The following THSD7B variants were observed in gnomAD, a reference collection of about 807,000 sequenced individuals.
The protein encoded by THSD7B is thrombospondin type-1 domain-containing protein 7B.
THSD7B carries 138 observed loss-of-function variants against 213.6 expected under a neutral mutation model. That is an observed-to-expected ratio of 0.65 (90% CI 0.56 to 0.74). The LOEUF is 0.74. Among genes scored for constraint, THSD7B ranks in the 30% least tolerant of loss-of-function variants. The probability of loss-of-function intolerance (pLI) is 0.00; values close to 1 mark genes in which losing one functional copy is unlikely to be tolerated. For missense variants in THSD7B, 1,931 were observed against 1,991.5 expected (o/e 0.97, Z 0.58); for synonymous variants, 742 against 687.0 (o/e 1.08, Z -1.25).
chr2:137,293,824 C>G (rs999599289), intron 12 of THSD7B, among the ~76,000 whole-genome samples: 1 of 152,120 alleles, frequency 6.6e-6, no homozygotes, highest in African/African-American at 2.4e-5. Flanking sequence ...ATCTCCAAAT[C>G]CATGTCAATA....
At chr2:137,569,594 G>T (rs182405711) in intron 16 of THSD7B, among the ~76,000 whole-genome samples, 1 of 152,166 alleles carries the variant, frequency 6.6e-6, no homozygotes, top group East Asian at 1.9e-4. Context: ...ATTTCCAGAG[G>T]TACTTGGTGC....
intron 2 of THSD7B, among the ~76,000 whole-genome samples, chr2:137,046,900 T>C (rs1406777064): frequency 6.6e-6 from 1 of 152,114 alleles, no homozygotes; most frequent in Non-Finnish European, 1.5e-5. Flanking sequence ...ACGATGGGCC[T>C]GATCAAGCAG....
chr2:137,413,158 T>C (rs1485340810), intron 14 of THSD7B, among the ~76,000 whole-genome samples: 3 of 152,224 alleles, frequency 2.0e-5, no homozygotes, highest in African/African-American at 7.2e-5. Flanking sequence ...TTGCTTTATA[T>C]AGGCTTCCTA....
At chr2:136,906,010 A>G (rs981202176) in intron 2 of THSD7B, among the ~76,000 whole-genome samples, 4 of 152,242 alleles carry the variant, frequency 2.6e-5, no homozygotes, top group Non-Finnish European at 5.9e-5. Flanking sequence ...GTTTCCCCTC[A>G]ATAGTGAGAA....
intron 15 of THSD7B, among the ~76,000 whole-genome samples, chr2:137,487,636 C>G (rs1200988639): frequency 1.3e-5 from 2 of 151,286 alleles, no homozygotes; most frequent in Non-Finnish European, 2.9e-5. Flanking sequence ...GGGATATCAC[C>G]ACTGATCCCA....
intron 5 of THSD7B, among the ~76,000 whole-genome samples, chr2:137,131,525 A>T (rs1368834275): frequency 6.6e-6 from 1 of 152,226 alleles, no homozygotes; most frequent in East Asian, 1.9e-4. Context: ...CTAACAGGTA[A>T]GTCTTTAATC....
intron 20 of THSD7B, among the ~76,000 whole-genome samples, chr2:137,634,776 AT>A (rs930164617): frequency 1.3e-5 from 2 of 152,112 alleles, no homozygotes; most frequent in Non-Finnish European, 2.9e-5. Flanking sequence ...CAGTTTTGAG[AT>A]TTGTTTGAAT....
At chr2:136,980,888 C>T (rs1041557141) in intron 2 of THSD7B, among the ~76,000 whole-genome samples, 1 of 152,200 alleles carries the variant, frequency 6.6e-6, no homozygotes, top group African/African-American at 2.4e-5. Context: ...CTCCATGTGG[C>T]TCCTGGGTGG....
intron 5 of THSD7B, among the ~76,000 whole-genome samples, chr2:137,149,637 A>G (rs1289261074): frequency 1.3e-5 from 2 of 152,234 alleles, no homozygotes; most frequent in Non-Finnish European, 2.9e-5. Flanking sequence ...TGACCTGGAC[A>G]TGAGACATGG....
chr2:137,390,535 G>A (rs1685998600), intron 12 of THSD7B, among the ~76,000 whole-genome samples: 1 of 151,924 alleles, frequency 6.6e-6, no homozygotes, highest in South Asian at 2.1e-4. Flanking sequence ...TTTTTCTCCT[G>A]CCTGATTTCT....
intron 2 of THSD7B, among the ~76,000 whole-genome samples, chr2:136,924,440 T>C (rs1573713562): frequency 6.6e-6 from 1 of 152,252 alleles, no homozygotes; most frequent in East Asian, 1.9e-4. Flanking sequence ...GACCTATTTG[T>C]TGAAGGGACT....
At chr2:137,243,772 T>C (rs1681965426) in intron 10 of THSD7B, among the ~76,000 whole-genome samples, 1 of 152,218 alleles carries the variant, frequency 6.6e-6, no homozygotes, top group Non-Finnish European at 1.5e-5. Flanking sequence ...CATCTTTGTA[T>C]TGCAATGGTG....
At chr2:136,769,308 TACAAA>T (rs1681464620) in intron 1 of THSD7B, among the ~76,000 whole-genome samples, 1 of 152,232 alleles carries the variant, frequency 6.6e-6, no homozygotes, top group African/African-American at 2.4e-5. Context: ...GGGCTAGTTA[TACAAA>T]ATATAGAGAC....
intron 3 of THSD7B, among the ~76,000 whole-genome samples, chr2:137,081,805 A>G (rs1444610562): frequency 9.2e-5 from 14 of 152,094 alleles, no homozygotes; most frequent in Admixed American, 8.5e-4. Context: ...TATTTCATGA[A>G]TAAGGTTTCT....
chr2:136,862,667 C>T (rs192922288), intron 1 of THSD7B, among the ~76,000 whole-genome samples: 85 of 152,242 alleles, frequency 5.6e-4, no homozygotes, highest in Admixed American at 1.4e-3. Flanking sequence ...CCAGATGAAG[C>T]GTCCTTTATG....
At chr2:137,360,866 G>A (rs1400941157) in intron 12 of THSD7B, among the ~76,000 whole-genome samples, 1 of 152,120 alleles carries the variant, frequency 6.6e-6, no homozygotes, top group Non-Finnish European at 1.5e-5. Flanking sequence ...GGGTCTCCCA[G>A]CATGTTTGAG....
intron 14 of THSD7B, among the ~76,000 whole-genome samples, chr2:137,448,079 A>G (rs1397228321): frequency 1.3e-5 from 2 of 152,214 alleles, no homozygotes; most frequent in African/African-American, 4.8e-5. Context: ...TGGAGGCTTG[A>G]AAGAGCTGTC....
Position 137,405,641 on chromosome 2 carries a change from G to T in THSD7B, c.2529G>T (p.Arg843=). Residue 843 remains arginine, a synonymous_variant, in exon 13 of 28, where the codon CGG becomes CGT. Coordinates refer to ENST00000409968, the MANE Select transcript of THSD7B (RefSeq NM_001316349.2). ...RAVSCISDDN[R]SAEMMECLKQ... Reference sequence around the variant, plus strand: ...TCTCATGCATCTCTGATGACAACCGGTCAGCAGAAATGATGGAATGCCTCA... The same window carrying T: ...TCTCATGCATCTCTGATGACAACCGTTCAGCAGAAATGATGGAATGCCTCA... 1 of 1,609,606 alleles carries T rather than the reference G, an allele frequency of 6.2e-7. No individual in the cohort carries two copies.
chr2:137,104,139 A>G (rs1688202558), intron 4 of THSD7B, among the ~76,000 whole-genome samples: 1 of 152,118 alleles, frequency 6.6e-6, no homozygotes, highest in Admixed American at 6.5e-5. Flanking sequence ...GAAGTAAAAC[A>G]CTCCTCAGCA....
Sources: gnomAD v4.1 joint callset for allele counts (sites outside exome capture counted in the v4.1 genomes callset) on GRCh38, gnomAD v4.1.1 for gene constraint, MANE v1.5 for transcripts, NCBI Gene and HGNC (gene_info 2026-07-23, HGNC 2026-07-21) for gene names.